The following RBFOX1 variants were observed in gnomAD, a reference collection of about 807,000 sequenced individuals.
RBFOX1 encodes the protein RNA binding fox-1 homolog 1.
RBFOX1 carries 8 observed loss-of-function variants against 57.7 expected under a neutral mutation model. That is an observed-to-expected ratio of 0.14 (90% confidence interval 0.08 to 0.25). The LOEUF (loss-of-function observed/expected upper bound fraction) is 0.25, where lower values mean the gene tolerates loss of function less well. Ranked by LOEUF, RBFOX1 falls within the 10% of genes least tolerant of loss-of-function variation. The pLI, the probability that RBFOX1 is intolerant of heterozygous loss-of-function variation, is 1.00. For missense variants in RBFOX1, 611 were observed against 548.5 expected (o/e 1.11, Z -1.14); for synonymous variants, 326 against 222.4 (o/e 1.47, Z -4.15).
intron 1 of RBFOX1, among the ~76,000 whole-genome samples, chr16:6,257,489 T>A (rs1161470507): frequency 6.6e-6 from 1 of 152,138 alleles, no homozygotes; most frequent in Non-Finnish European, 1.5e-5. Flanking sequence ...ACTTTTGTCC[T>A]GGGGGTTTGT....
chr16:5,358,338 A>AT (rs2065451350), intron 1 of RBFOX1, among the ~76,000 whole-genome samples: 1 of 140,620 alleles, frequency 7.1e-6, no homozygotes, highest in African/African-American at 3.3e-5. Context: ...ATGCCTGCAT[A>AT]TTTTCAAATA....
intron 3 of RBFOX1, among the ~76,000 whole-genome samples, chr16:6,971,838 A>C (rs1268548176): frequency 1.3e-5 from 2 of 152,096 alleles, no homozygotes; most frequent in Admixed American, 1.3e-4. Context: ...AGAGCAGAGA[A>C]GTGTCTGATG....
chr16:5,618,735 G>A (rs1277733257), intron 3 of RBFOX1, among the ~76,000 whole-genome samples: 2 of 152,214 alleles, frequency 1.3e-5, no homozygotes, highest in Admixed American at 1.3e-4. Flanking sequence ...TTCTCATTTT[G>A]GGTCAGGTTG....
chr16:5,261,275 A>G (rs2062724742), intron 1 of RBFOX1, among the ~76,000 whole-genome samples: 1 of 152,112 alleles, frequency 6.6e-6, no homozygotes, highest in Non-Finnish European at 1.5e-5. Flanking sequence ...CTATTTTTAA[A>G]TGGATTCACC....
intron 4 of RBFOX1, among the ~76,000 whole-genome samples, chr16:7,369,018 C>T (rs560602048): frequency 3.9e-5 from 6 of 151,904 alleles, no homozygotes; most frequent in South Asian, 2.1e-4. Context: ...CCTCCTGGCT[C>T]GAACAGGATG....
chr16:5,246,196 C>T (rs377307944), intron 1 of RBFOX1, among the ~76,000 whole-genome samples: 8 of 152,240 alleles, frequency 5.3e-5, no homozygotes, highest in African/African-American at 9.6e-5. Flanking sequence ...CAGCCGAGAT[C>T]GCGCCACTGC....
At chr16:5,948,654 C>A (rs767893404) in intron 4 of RBFOX1, among the ~76,000 whole-genome samples, 17 of 152,142 alleles carry the variant, frequency 1.1e-4, no homozygotes, top group Non-Finnish European at 1.8e-4. Context: ...AGGAATGCTG[C>A]AGATTTCCAG....
intron 3 of RBFOX1, among the ~76,000 whole-genome samples, chr16:5,856,855 C>T (rs1023531485): frequency 6.6e-6 from 1 of 151,870 alleles, no homozygotes; most frequent in Non-Finnish European, 1.5e-5. Flanking sequence ...ATCCAGACCA[C>T]TGAAACTTTG....
chr16:7,018,526 C>T (rs974910660), intron 3 of RBFOX1, among the ~76,000 whole-genome samples: 4 of 152,052 alleles, frequency 2.6e-5, no homozygotes, highest in Admixed American at 2.0e-4. Flanking sequence ...TGATTAGTGC[C>T]GCAGTAAACA....
chr16:6,245,500 C>G lies in RBFOX1; in HGVS notation c.-126-71495C>G, dbSNP rs1392694893. On this transcript the variant is annotated intron_variant, in intron 1 of 15. Transcript: ENST00000550418. Reference sequence around the variant, plus strand: ...CCACAGCAGACCAATGACAAGATAGCATGCCCTTTGCCTCTAGGGATACCA... The same window carrying G: ...CCACAGCAGACCAATGACAAGATAGGATGCCCTTTGCCTCTAGGGATACCA... 2.0e-5 allele frequency among the ~76,000 whole-genome samples: 3 copies of G among 152,182 alleles called. No individual in the cohort carries two copies. The East Asian group carries it at 5.8e-4, about 29-fold the overall frequency.
intron 10 of RBFOX1, among the ~76,000 whole-genome samples, chr16:7,610,105 T>C (rs1386963624): frequency 7.6e-5 from 11 of 144,320 alleles, no homozygotes; most frequent in African/African-American, 2.6e-4. Flanking sequence ...TGTGAGCCAC[T>C]GCGCCCGGCC....
At chr16:6,358,901 A>C (rs1453164877) in intron 2 of RBFOX1, among the ~76,000 whole-genome samples, 1 of 152,210 alleles carries the variant, frequency 6.6e-6, no homozygotes, top group Admixed American at 6.5e-5. Context: ...GGACATATTG[A>C]GTTCGAAACA....
rs547570979 is a variant in RBFOX1, at chr16:5,910,325, C to T, written c.351+42990C>T. Among the ~76,000 whole-genome samples, 5 of 152,242 alleles carry T rather than the reference C, an allele frequency of 3.3e-5. No homozygotes were observed. In the East Asian group the frequency reaches 9.7e-4, roughly 30 times the overall value. Reference sequence around the variant, plus strand: ...GGCACGTTCTCCCGTTCCCTGCCTCCATAGCACCCCAAATTCAGTGCACCC... The same window carrying T: ...GGCACGTTCTCCCGTTCCCTGCCTCTATAGCACCCCAAATTCAGTGCACCC... On this transcript the variant is annotated intron_variant, in intron 4 of 19. Coordinates refer to the RBFOX1 transcript ENST00000641259.
At chr16:6,147,394 C>T (rs761777447) in intron 1 of RBFOX1, among the ~76,000 whole-genome samples, 5 of 152,134 alleles carry the variant, frequency 3.3e-5, no homozygotes, top group African/African-American at 4.8e-5. Flanking sequence ...CCCAAGCACC[C>T]GGGAGCATTC....
intron 2 of RBFOX1, among the ~76,000 whole-genome samples, chr16:6,582,459 C>A (rs1780066498): frequency 1.1e-4 from 2 of 18,692 alleles, no homozygotes; most frequent in Admixed American, 9.8e-4. Flanking sequence ...ATGTTAGCGC[C>A]AATTTTTTTT....
At chr16:7,490,314 C>G (rs936375727) in intron 4 of RBFOX1, among the ~76,000 whole-genome samples, 1 of 152,178 alleles carries the variant, frequency 6.6e-6, no homozygotes, top group Non-Finnish European at 1.5e-5. Context: ...GCTGCTAGCT[C>G]TGCTAGACTA....
chr16:5,918,273 C>G (rs746828860), intron 4 of RBFOX1, among the ~76,000 whole-genome samples: 1 of 152,166 alleles, frequency 6.6e-6, no homozygotes, highest in Non-Finnish European at 1.5e-5. Flanking sequence ...GCAGCTGCCA[C>G]CATGCCTGGC....
intron 3 of RBFOX1, among the ~76,000 whole-genome samples, chr16:6,941,279 CT>C (rs1301272187): frequency 9.6e-6 from 1 of 103,640 alleles, no homozygotes; most frequent in African/African-American, 4.1e-5. Flanking sequence ...CTCTCCCTCC[CT>C]TCCCTCCTTC....
intron 4 of RBFOX1, among the ~76,000 whole-genome samples, chr16:5,955,043 G>A (rs1375092453): frequency 6.9e-6 from 1 of 144,540 alleles, no homozygotes. Context: ...CACTTGCGGA[G>A]GCCGAAGCGG....
Sources: gnomAD v4.1 joint callset for allele counts (sites outside exome capture counted in the v4.1 genomes callset) on GRCh38, gnomAD v4.1.1 for gene constraint, MANE v1.5 for transcripts, NCBI Gene and HGNC (gene_info 2026-07-23, HGNC 2026-07-21) for gene names.